NBAS: variants seen among roughly 807,000 people sequenced by gnomAD.
The protein encoded by NBAS is NAG/BC035112 fusion.
NBAS carries 219 observed loss-of-function variants against 302.5 expected under a neutral mutation model. The observed-to-expected ratio is 0.72, with a 90% CI of 0.65 to 0.81. NBAS has a LOEUF of 0.81. Ranked by LOEUF, NBAS falls within the 30% of genes least tolerant of loss-of-function variation. The pLI is 0.00. For synonymous variants in NBAS, 1,118 were observed against 1,021.6 expected (o/e 1.09, Z -1.80); for missense variants, 2,932 against 2,841.6 (o/e 1.03, Z -0.72).
intron 12 of NBAS, chr2:15,483,457 T>A: frequency 7.5e-6 from 2 of 266,902 alleles, no homozygotes. Flanking sequence ...AATAGACAAA[T>A]AATAAAACTT....
At chr2:15,060,123 T>C in the NBAS span, among the ~76,000 whole-genome samples, 3 of 152,080 alleles carry the variant, frequency 2.0e-5, no homozygotes, top group Admixed American at 6.5e-5. Flanking sequence ...AGGCCTCTGC[T>C]CAGTCATCTA....
At chr2:15,209,600 T>C (rs182334962) in intron 48 of NBAS, among the ~76,000 whole-genome samples, 1 of 152,282 alleles carries the variant, frequency 6.6e-6, no homozygotes, top group Non-Finnish European at 1.5e-5. Context: ...TCAATGACAT[T>C]CTTTAAAGAA....
chr2:15,544,136 G>A (rs1413200372), intron 6 of NBAS, among the ~76,000 whole-genome samples: 1 of 152,140 alleles, frequency 6.6e-6, no homozygotes, highest in East Asian at 1.9e-4. Context: ...TGAATTCAAT[G>A]AACAATCTCT....
At chr2:14,927,775 G>A in the NBAS span, among the ~76,000 whole-genome samples, 1 of 152,324 alleles carries the variant, frequency 6.6e-6, no homozygotes, top group African/African-American at 2.4e-5. Context: ...TTCCTGTGGT[G>A]ATGATTTGCA....
intron 11 of NBAS, among the ~76,000 whole-genome samples, chr2:15,502,639 G>A (rs1661630730): frequency 6.6e-6 from 1 of 152,230 alleles, no homozygotes; most frequent in South Asian, 2.1e-4. Context: ...AATGGAACAT[G>A]TGTATAGGGC....
At chr2:15,372,681 C>T (rs1558280774) in intron 31 of NBAS, among the ~76,000 whole-genome samples, 2 of 152,162 alleles carry the variant, frequency 1.3e-5, no homozygotes, top group Non-Finnish European at 2.9e-5. Flanking sequence ...ATATATCAAG[C>T]TGGAAAGCTG....
At chr2:15,283,673 A>C (rs1669918798) in intron 42 of NBAS, among the ~76,000 whole-genome samples, 1 of 152,150 alleles carries the variant, frequency 6.6e-6, no homozygotes, top group Non-Finnish European at 1.5e-5. Context: ...GAATGGACTA[A>C]TACAAATTTA....
the NBAS span, among the ~76,000 whole-genome samples, chr2:14,953,778 G>A: frequency 7.2e-5 from 11 of 152,212 alleles, no homozygotes; most frequent in African/African-American, 7.2e-5. Flanking sequence ...AGAGGAAGAG[G>A]AGCAGCTTTC....
At chr2:15,001,902 G>A in the NBAS span, among the ~76,000 whole-genome samples, 1 of 152,122 alleles carries the variant, frequency 6.6e-6, no homozygotes, top group Non-Finnish European at 1.5e-5. Flanking sequence ...AAAGAACAAA[G>A]CTTCCACAGT....
intron 36 of NBAS, among the ~76,000 whole-genome samples, chr2:15,328,935 C>T (rs530984593): frequency 6.6e-6 from 1 of 152,278 alleles, no homozygotes; most frequent in Admixed American, 6.5e-5. Flanking sequence ...CAGTTCAGAC[C>T]TTACCTGCTG....
chr2:15,355,632 CAT>C (rs1313965075), intron 33 of NBAS, among the ~76,000 whole-genome samples: 1 of 152,072 alleles, frequency 6.6e-6, no homozygotes, highest in Non-Finnish European at 1.5e-5. Context: ...GGTTTAACAT[CAT>C]ATCCACTTGG....
At chr2:15,106,451 G>GTCTCTGTCTCTCTCTCTC in the NBAS span, among the ~76,000 whole-genome samples, 1 of 147,858 alleles carries the variant, frequency 6.8e-6, no homozygotes, top group African/African-American at 2.5e-5. Flanking sequence ...CTCTGTCTCT[G>GTCTCTGTCTCTCTCTCTC]TCTCTCTCTC....
chr2:15,457,548 A>G (rs1345571955), intron 21 of NBAS, among the ~76,000 whole-genome samples: 2 of 152,210 alleles, frequency 1.3e-5, no homozygotes, highest in Non-Finnish European at 2.9e-5. Context: ...CTCAGTTTAA[A>G]AGCATGATGC....
At chr2:15,113,514 G>A in the NBAS span, among the ~76,000 whole-genome samples, 6 of 152,174 alleles carry the variant, frequency 3.9e-5, no homozygotes, top group South Asian at 4.1e-4. Flanking sequence ...ATTCTGGTAC[G>A]AGAGAGAATT....
intron 9 of NBAS, among the ~76,000 whole-genome samples, chr2:15,515,261 A>C (rs1224297137): frequency 6.6e-6 from 1 of 152,128 alleles, no homozygotes; most frequent in Non-Finnish European, 1.5e-5. Flanking sequence ...GGAAGAACAC[A>C]TGGGAGCATG....
Position 15,265,393 on chromosome 2 carries a change from C to T in NBAS, c.5724+10091G>A, listed in dbSNP as rs150886977. Among the ~76,000 whole-genome samples the T allele has an allele frequency of 4.0e-3, 602 of 152,268 alleles. 7 individuals are homozygous for T. Among genetic ancestry groups the T allele is most frequent in the African/African-American group, 0.014 (564 of 41,556 alleles). Reference sequence around the variant, plus strand: ...AATACTTGCTTAATAATCACCCTCACAAGATGTGTGTGAATATCAAATGAG... The same window carrying T: ...AATACTTGCTTAATAATCACCCTCATAAGATGTGTGTGAATATCAAATGAG... On this transcript the variant is annotated intron_variant, in intron 44 of 51. Coordinates refer to ENST00000281513, the MANE Select transcript of NBAS (RefSeq NM_015909.4).
chr2:15,474,140 G>A lies in NBAS; in HGVS notation c.1526C>T (p.Pro509Leu). 1.2e-6 allele frequency: 2 copies of A among 1,614,130 alleles called. No homozygotes were observed. Among genetic ancestry groups the A allele is most frequent in the East Asian group, 4.5e-5 (2 of 44,876 alleles). Residue 509 changes from proline to leucine, a missense_variant, in exon 15 of 52, where the codon CCA (proline) becomes CTA (leucine). Pro to Leu is a moderately conservative substitution (Grantham distance 98). Transcript: ENST00000281513. ...GCGGTAGTTTTTAGTAATGGTTCGT[G>A]GGCGTTTCCGTGGTGGTGCAAATCG... ...MERFAPPRKR[P>L]RTITKNYRLV...
At chr2:14,843,573 CACACACACA>C in the NBAS span, among the ~76,000 whole-genome samples, 1 of 139,096 alleles carries the variant, frequency 7.2e-6, no homozygotes, top group African/African-American at 3.3e-5. Context: ...CACACACACA[CACACACACA>C]AAAATACCTT....
At chr2:15,352,151 T>A in intron 34 of NBAS, 70 bp from the exon 35 acceptor site, 3 of 1,078,788 alleles carry the variant, frequency 2.8e-6, no homozygotes, top group Non-Finnish European at 4.2e-6. Context: ...CAATATAGGC[T>A]TGAAATTTAA....
Sources: gnomAD v4.1 joint callset for allele counts (sites outside exome capture counted in the v4.1 genomes callset) on GRCh38, gnomAD v4.1.1 for gene constraint, MANE v1.5 for transcripts, NCBI Gene and HGNC (gene_info 2026-07-23, HGNC 2026-07-21) for gene names.